LRFN2: variants seen among roughly 807,000 people sequenced by gnomAD.
LRFN2 encodes the protein leucine rich repeat and fibronectin type III domain containing 2, also known as leucine-rich repeat and fibronectin type-III domain-containing protein 2.
A neutral mutation model predicts 37.3 loss-of-function variants in LRFN2; 18 were observed. That is an observed-to-expected ratio of 0.48 (90% CI 0.33 to 0.72). LRFN2 has a LOEUF of 0.72. LRFN2 is among the 30% of genes least tolerant of loss of function. The pLI is 0.02. For synonymous variants in LRFN2, 556 were observed against 466.6 expected (o/e 1.19, Z -2.47); for missense variants, 1,006 against 1,060.7 (o/e 0.95, Z 0.72).
intron 1 of LRFN2, among the ~76,000 whole-genome samples, chr6:40,452,132 G>A (rs1001990278): frequency 2.6e-5 from 4 of 152,314 alleles, no homozygotes; most frequent in East Asian, 3.9e-4. Context: ...GAGGATGTCC[G>A]AAGTGTCCAA....
At chr6:40,566,854 T>C (rs919373807) in intron 1 of LRFN2, among the ~76,000 whole-genome samples, 4 of 152,070 alleles carry the variant, frequency 2.6e-5, no homozygotes, top group Non-Finnish European at 5.9e-5. Context: ...CTGCACATTG[T>C]GCACATGTAC....
At chr6:40,509,791 G>A (rs575850912) in intron 1 of LRFN2, among the ~76,000 whole-genome samples, 2 of 151,294 alleles carry the variant, frequency 1.3e-5, no homozygotes, top group Non-Finnish European at 2.9e-5. Flanking sequence ...TGGGGTGGGG[G>A]TGCATGCGTG....
At chr6:40,507,639 A>G (rs962824724) in intron 1 of LRFN2, among the ~76,000 whole-genome samples, 9 of 152,156 alleles carry the variant, frequency 5.9e-5, no homozygotes, top group Non-Finnish European at 1.3e-4. Context: ...AATTGGGAAG[A>G]ATGATGCCCT....
At chr6:40,472,814 T>C (rs925828316) in intron 1 of LRFN2, among the ~76,000 whole-genome samples, 15 of 152,270 alleles carry the variant, frequency 9.9e-5, no homozygotes, top group African/African-American at 3.6e-4. Flanking sequence ...GTAGGCACCA[T>C]GTCATTCCCT....
At position 40,582,208 on chromosome 6, in the gene LRFN2, G is replaced by T. The variant is rs557133847; in HGVS notation, c.-19+4733C>A. Among the ~76,000 whole-genome samples, 108 of 152,144 alleles carry T rather than the reference G, an allele frequency of 7.1e-4. 2 individuals carry two copies. The highest frequency in any genetic ancestry group is 1.5e-3 in the Non-Finnish European group (103 of 68,020). ...GGAGAGGACCCAGGCAGGAAACATG[G>T]AAGGAAGAGGGGTTCAGAGATGCTC... On this transcript the variant is annotated intron_variant, in intron 1 of 2. Transcript: ENST00000338305.
chr6:40,463,670 ATTTTTTTTTTT>A (rs66745321), intron 1 of LRFN2, among the ~76,000 whole-genome samples: 1 of 76,526 alleles, frequency 1.3e-5, no homozygotes, highest in Non-Finnish European at 2.4e-5. Flanking sequence ...CTTTCTTTCT[ATTTTTTTTTTT>A]TTTTTTTTTT....
intron 1 of LRFN2, among the ~76,000 whole-genome samples, chr6:40,472,810 A>C (rs1260186534): frequency 2.0e-5 from 3 of 152,128 alleles, no homozygotes; most frequent in African/African-American, 7.2e-5. Flanking sequence ...ACATGTAGGC[A>C]CCATGTCATT....
intron 1 of LRFN2, among the ~76,000 whole-genome samples, chr6:40,482,348 G>A (rs1764850368): frequency 6.6e-6 from 1 of 152,226 alleles, no homozygotes; most frequent in African/African-American, 2.4e-5. Flanking sequence ...ACAGATGGAT[G>A]GACCAGAGTC....
At chr6:40,586,049 C>G (rs1348409990) in intron 1 of LRFN2, among the ~76,000 whole-genome samples, 2 of 152,206 alleles carry the variant, frequency 1.3e-5, no homozygotes, top group South Asian at 4.1e-4. Flanking sequence ...GCGGTCTCCA[C>G]TCAGGCTCTC....
intron 1 of LRFN2, among the ~76,000 whole-genome samples, chr6:40,469,018 A>T (rs748234): frequency 2.6e-5 from 4 of 152,194 alleles, no homozygotes; most frequent in African/African-American, 9.7e-5. Flanking sequence ...ATCTAAAAAA[A>T]GGGTATTTCC....
intron 1 of LRFN2, among the ~76,000 whole-genome samples, chr6:40,548,668 T>G (rs1766710214): frequency 6.6e-6 from 1 of 152,150 alleles, no homozygotes; most frequent in Non-Finnish European, 1.5e-5. Flanking sequence ...GAGGCCACAG[T>G]GATTGAGAGG....
chr6:40,483,476 C>G (rs1054977216), intron 1 of LRFN2, among the ~76,000 whole-genome samples: 5 of 152,218 alleles, frequency 3.3e-5, no homozygotes, highest in Non-Finnish European at 7.3e-5. Flanking sequence ...GAAGAGACAG[C>G]CTTGACCTCT....
At chr6:40,397,578 C>T (rs559331221) in intron 2 of LRFN2, among the ~76,000 whole-genome samples, 3 of 152,326 alleles carry the variant, frequency 2.0e-5, no homozygotes, top group African/African-American at 7.2e-5. Context: ...CATTGTTGTC[C>T]TTCTACCCAC....
At chr6:40,476,618 T>C (rs7772544) in intron 1 of LRFN2, among the ~76,000 whole-genome samples, 55 of 152,390 alleles carry the variant, frequency 3.6e-4, no homozygotes, top group African/African-American at 1.1e-3. Context: ...CTCAACACTC[T>C]TGGTCTCTAG....
intron 1 of LRFN2, among the ~76,000 whole-genome samples, chr6:40,485,282 G>A (rs1056854126): frequency 6.6e-6 from 1 of 152,140 alleles, no homozygotes; most frequent in African/African-American, 2.4e-5. Context: ...GCATCGTGGA[G>A]AGAAAAAGCC....
In LRFN2 at chr6:40,432,602, C is replaced by G. The variant is rs538273326; in HGVS notation, c.512G>C (p.Arg171Pro). 6.2e-7 allele frequency: 1 copy of G among 1,614,160 alleles called. No individual in the cohort carries two copies. The highest frequency in any genetic ancestry group is 1.3e-5 in the African/African-American group (1 of 75,056). The change falls in exon 2 of 3, where the codon CGC becomes CCC. Residue 171 changes from arginine (R) to proline (P), a missense_variant. Transcript: ENST00000338305. Reference protein sequence around the residue: ...LHGLPWDSVRRMVNLHQLSLD... With the variant: ...LHGLPWDSVRPMVNLHQLSLD... The stretch of plus-strand genomic sequence containing the variant: ...GCTCAGCTGGTGGAGGTTGACCATG[C>G]GTCGCACGGAGTCCCACGGCAGGCC...
chr6:40,431,619 A>G (rs1763484607), intron 2 of LRFN2, 95 bp downstream of exon 2: 1 of 1,066,758 alleles, frequency 9.4e-7, no homozygotes. Context: ...TTTGGGGAAG[A>G]GGGGTATAGG....
chr6:40,550,005 G>A (rs1766740755), intron 1 of LRFN2, among the ~76,000 whole-genome samples: 1 of 152,092 alleles, frequency 6.6e-6, no homozygotes, highest in Admixed American at 6.6e-5. Context: ...TTGCACTCCA[G>A]CCTGGGCAAG....
intron 1 of LRFN2, among the ~76,000 whole-genome samples, chr6:40,470,925 G>A (rs1764580657): frequency 6.6e-6 from 1 of 152,238 alleles, no homozygotes; most frequent in Non-Finnish European, 1.5e-5. Context: ...AGATCCCTGA[G>A]TTAATCCCTC....
Sources: allele counts gnomAD v4.1 joint callset (sites outside exome capture counted in the v4.1 genomes callset), GRCh38; gene constraint gnomAD v4.1.1; transcripts MANE v1.5; gene names NCBI Gene and HGNC (gene_info 2026-07-23, HGNC 2026-07-21).